The following MRTFB variants were observed in gnomAD, a reference collection of about 807,000 sequenced individuals.
The protein encoded by MRTFB is myocardin-related transcription factor B.
A neutral mutation model predicts 104.2 loss-of-function variants in MRTFB; 29 were observed. The ratio of observed to expected loss-of-function variants is 0.28; its 90% CI spans 0.21 to 0.38. The LOEUF (loss-of-function observed/expected upper bound fraction) is 0.38. MRTFB is among the 10% of genes least tolerant of loss of function. The pLI is 1.00. For missense variants in MRTFB, 1,270 were observed against 1,341.6 expected (o/e 0.95, Z 0.83); for synonymous variants, 535 against 519.5 (o/e 1.03, Z -0.41).
chr16:14,203,047 G>C (rs1265805823), intron 3 of MRTFB, among the ~76,000 whole-genome samples: 6 of 152,010 alleles, frequency 3.9e-5, no homozygotes, highest in African/African-American at 7.2e-5. Flanking sequence ...TTATTACCTA[G>C]TACTGACTTC....
At chr16:14,225,725 C>CG (rs1381692610) in intron 8 of MRTFB, among the ~76,000 whole-genome samples, 1 of 152,092 alleles carries the variant, frequency 6.6e-6, no homozygotes, top group Non-Finnish European at 1.5e-5. Context: ...GACAGGGTTT[C>CG]GCCATATTGA....
intron 10 of MRTFB, among the ~76,000 whole-genome samples, chr16:14,244,518 C>A (rs1422701637): frequency 2.0e-5 from 3 of 152,222 alleles, no homozygotes; most frequent in Non-Finnish European, 4.4e-5. Flanking sequence ...GTAGTTGCAT[C>A]ATTCACAGCT....
At chr16:14,002,298 G>A in the MRTFB span, among the ~76,000 whole-genome samples, 2 of 151,858 alleles carry the variant, frequency 1.3e-5, no homozygotes, top group African/African-American at 4.8e-5. Flanking sequence ...CAGGAGAATC[G>A]CTTGAATCCA....
the MRTFB span, among the ~76,000 whole-genome samples, chr16:14,045,602 A>C: frequency 6.6e-6 from 1 of 152,234 alleles, no homozygotes; most frequent in Non-Finnish European, 1.5e-5. Flanking sequence ...AGACCAAAAG[A>C]ATAGAAAGAA....
In MRTFB at chr16:14,260,984, T is replaced by A. The variant is rs751694112; in HGVS notation, c.2840T>A (p.Met947Lys). The A allele has an allele frequency of 6.8e-6, 11 of 1,614,058 alleles. No homozygotes were observed. Among genetic ancestry groups the A allele is most frequent in the Non-Finnish European group, 9.3e-6 (11 of 1,180,052 alleles). ...MRPVTASITT[M>K]PVNTVVSRPP... ...CCAGTGACAGCCAGCATCACCACAA[T>A]GCCAGTGAATACAGTGGTGTCCCGG... Residue 947 changes from methionine (M) to lysine (K), a missense_variant, in exon 17 of 17, where the codon ATG (methionine) becomes AAG (lysine). By Grantham distance (95) the Met-to-Lys change is moderately conservative. Coordinates refer to ENST00000571589, the MANE Select transcript of MRTFB (RefSeq NM_001308142.2).
At chr16:14,057,885 A>C in the MRTFB span, among the ~76,000 whole-genome samples, 1 of 152,242 alleles carries the variant, frequency 6.6e-6, no homozygotes, top group African/African-American at 2.4e-5. Context: ...AGTGTGTTCC[A>C]GGTATTATTC....
chr16:14,183,149 A>C (rs548492853), intron 3 of MRTFB, among the ~76,000 whole-genome samples: 46 of 152,320 alleles, frequency 3.0e-4, no homozygotes, highest in Middle Eastern at 3.4e-3. Context: ...TGAGACAATT[A>C]ATATACTTGA....
chr16:14,004,756 G>A, the MRTFB span, among the ~76,000 whole-genome samples: 15 of 152,370 alleles, frequency 9.8e-5, 1 homozygote, highest in East Asian at 2.9e-3. Flanking sequence ...GGAAGCTTCA[G>A]GGCCCAAAGC....
chr16:14,165,572 A>G (rs114889094), intron 3 of MRTFB, among the ~76,000 whole-genome samples: 170 of 152,126 alleles, frequency 1.1e-3, no homozygotes, highest in African/African-American at 3.8e-3. Context: ...TTTGCCATAC[A>G]TTATTCTCTC....
intron 3 of MRTFB, among the ~76,000 whole-genome samples, chr16:14,162,142 C>A (rs1358927944): frequency 7.6e-6 from 1 of 132,082 alleles, no homozygotes; most frequent in Non-Finnish European, 1.5e-5. Flanking sequence ...ATAGGGAGAC[C>A]CTGTCTCTAC....
chr16:14,060,755 T>C, the MRTFB span, among the ~76,000 whole-genome samples: 2 of 152,046 alleles, frequency 1.3e-5, no homozygotes, highest in Admixed American at 6.6e-5. Flanking sequence ...AGCAGAAATA[T>C]GTTCAAGGGA....
At chr16:14,105,278 C>CATCA (rs2035909885) in intron 2 of MRTFB, among the ~76,000 whole-genome samples, 1 of 152,144 alleles carries the variant, frequency 6.6e-6, no homozygotes, top group African/African-American at 2.4e-5. Flanking sequence ...TCCTTTGTCT[C>CATCA]TTTCCTAAAT....
At chr16:14,224,336 T>C (rs943438117) in intron 8 of MRTFB, among the ~76,000 whole-genome samples, 1 of 152,210 alleles carries the variant, frequency 6.6e-6, no homozygotes, top group African/African-American at 2.4e-5. Context: ...ACCTAGATGG[T>C]ATGGCCTACT....
chr16:14,047,016 G>A, the MRTFB span, among the ~76,000 whole-genome samples: 2 of 152,162 alleles, frequency 1.3e-5, no homozygotes, highest in South Asian at 4.1e-4. Flanking sequence ...CATAAGTCAG[G>A]CCCTGTGCCT....
At chr16:14,038,730 C>G in the MRTFB span, among the ~76,000 whole-genome samples, 1 of 152,198 alleles carries the variant, frequency 6.6e-6, no homozygotes, top group African/African-American at 2.4e-5. Context: ...AAGTCAGAAG[C>G]AACTTGGCTG....
At chr16:14,052,475 C>A in the MRTFB span, among the ~76,000 whole-genome samples, 1 of 152,042 alleles carries the variant, frequency 6.6e-6, no homozygotes, top group Non-Finnish European at 1.5e-5. Flanking sequence ...CAGTGGCTCA[C>A]GCGTGTAATA....
chr16:14,150,390 A>T (rs928692487), intron 3 of MRTFB, among the ~76,000 whole-genome samples: 9 of 152,192 alleles, frequency 5.9e-5, no homozygotes, highest in African/African-American at 2.2e-4. Context: ...TGCAGTAAAA[A>T]ATCCATGTAT....
At chr16:14,190,843 G>A (rs552553193) in intron 3 of MRTFB, among the ~76,000 whole-genome samples, 5 of 152,296 alleles carry the variant, frequency 3.3e-5, no homozygotes, top group South Asian at 2.1e-4. Flanking sequence ...GAGTGTCAAC[G>A]GAGTGGGGAG....
At position 14,242,176 on chromosome 16, in the gene MRTFB, G is replaced by GAAAC. The variant is rs1304531448; in HGVS notation, c.1079+1694_1079+1697dup. On this transcript the variant is annotated intron_variant, in intron 10 of 16. Transcript: ENST00000571589. ...CCTTTGGGATTTTCACCTTATCTTT[G>GAAAC]AAACAGTCTTTTCTGTAATGAAAGA... Among the ~76,000 whole-genome samples, 6 of 151,962 alleles carry GAAAC rather than the reference G, an allele frequency of 3.9e-5. No individual in the cohort carries two copies. The East Asian group carries it at 1.2e-3, about 29-fold the overall frequency.
Sources: gnomAD v4.1 joint callset for allele counts (sites outside exome capture counted in the v4.1 genomes callset) on GRCh38, gnomAD v4.1.1 for gene constraint, MANE v1.5 for transcripts, NCBI Gene and HGNC (gene_info 2026-07-23, HGNC 2026-07-21) for gene names.